The following KHDC4 variants were observed in gnomAD, a reference collection of about 807,000 sequenced individuals.
KHDC4 encodes KH domain containing 4, pre-mRNA splicing factor.
KHDC4 carries 19 observed loss-of-function variants against 74.5 expected under a neutral mutation model. The observed-to-expected ratio is 0.26, with a 90% CI of 0.18 to 0.37. The LOEUF (loss-of-function observed/expected upper bound fraction) is 0.37, where lower values mean the gene tolerates loss of function less well. Among genes scored for constraint, KHDC4 ranks in the 10% least tolerant of loss-of-function variants. KHDC4 has a pLI of 1.00. For synonymous variants in KHDC4, 253 were observed against 266.1 expected, an observed-to-expected ratio of 0.95 and a Z score of 0.48; for missense variants, 632 against 754.1, an observed-to-expected ratio of 0.84 and a Z score of 1.90.
intron 10 of KHDC4, chr1:155,919,999 T>C: frequency 7.7e-6 from 4 of 518,182 alleles, no homozygotes; most frequent in South Asian, 4.2e-5. Flanking sequence ...ATGGGTACAC[T>C]ATGAGAGGCC....
At chr1:155,923,079 C>T (rs1673902648) in intron 8 of KHDC4, among the ~76,000 whole-genome samples, 1 of 151,390 alleles carries the variant, frequency 6.6e-6, no homozygotes, top group Non-Finnish European at 1.5e-5. Context: ...GTGGCGGGCG[C>T]CTGTAGTCCC....
chr1:155,924,555 T>C (rs1209921417), intron 7 of KHDC4, among the ~76,000 whole-genome samples: 1 of 147,310 alleles, frequency 6.8e-6, no homozygotes, highest in Non-Finnish European at 1.5e-5. Context: ...TAATTCCGTC[T>C]CCTAATTCAA....
intron 8 of KHDC4, 94 bp from the exon 9 acceptor site, chr1:155,922,012 G>T: frequency 1.4e-6 from 1 of 723,442 alleles, no homozygotes; most frequent in Non-Finnish European, 2.3e-6. Flanking sequence ...AAGCCATTAG[G>T]AATTAAAATA....
At position 155,917,583 on chromosome 1, in the gene KHDC4, T is replaced by C; in HGVS notation, c.1356A>G (p.Pro452=). The change falls in exon 11 of 14, where the codon CCA becomes CCG. Residue 452 remains proline (P), a synonymous_variant. Transcript: ENST00000368321. ...TCTGTGCCTGGGGCTGACTTGGGAG[T>C]GGGGGCTGGGGCTGGGGCTGGGGCT... ...GPQPQPQPQP[P]LPSQPQAQKR... is the part of the protein sequence containing the mutation. 1 of 402,406 alleles carries C rather than the reference T, an allele frequency of 2.5e-6. No individual in the cohort carries two copies. Among genetic ancestry groups the C allele is most frequent in the Non-Finnish European group, 3.7e-6 (1 of 266,728 alleles). The allele number at this position is 402,406 out of a possible 1,614,324, so 24.9% of individuals were successfully genotyped here.
At chr1:155,921,837 T>C in intron 9 of KHDC4, 24 bp downstream of exon 9, 1 of 1,567,118 alleles carries the variant, frequency 6.4e-7, no homozygotes, top group Non-Finnish European at 8.8e-7. Flanking sequence ...AAAATATTTT[T>C]TAAACACTTC....
chr1:155,927,534 G>A (rs1674029719), intron 4 of KHDC4, among the ~76,000 whole-genome samples: 1 of 152,098 alleles, frequency 6.6e-6, no homozygotes, highest in Non-Finnish European at 1.5e-5. Flanking sequence ...GCTGGGTGCT[G>A]TGGCTCATGT....
chr1:155,929,523 T>C, intron 3 of KHDC4, 148 bp from the exon 4 acceptor site: 1 of 1,008,764 alleles, frequency 9.9e-7, no homozygotes, highest in Non-Finnish European at 1.5e-6. Context: ...GGTTTCTTAC[T>C]CAAACCAACC....
intron 7 of KHDC4, among the ~76,000 whole-genome samples, chr1:155,924,817 G>A (rs1364679564): frequency 6.7e-5 from 10 of 150,264 alleles, no homozygotes; most frequent in East Asian, 4.0e-4. Context: ...CAAGTGATCC[G>A]CCTGCCTCGG....
At position 155,915,949 on chromosome 1, in the gene KHDC4, T is replaced by C; in HGVS notation, c.1569A>G (p.Pro523=). The C allele has an allele frequency of 6.3e-7, 1 of 1,590,742 alleles. No homozygotes were observed. The highest frequency in any genetic ancestry group is 1.1e-5 in the South Asian group (1 of 86,958). ...TTATTCCAGTCACTGGAAAGGCTGG[T>C]GGAGGCATCAACTGCCTATTGAAAA... ...ERERDRQLMP[P]PAFPVTGIKT... The change falls in exon 13 of 14, where the codon CCA becomes CCG. Residue 523 remains proline, a synonymous_variant. Transcript: ENST00000368321.
At chr1:155,922,064 AC>A in intron 8 of KHDC4, 146 bp from the exon 9 acceptor site, 2 of 465,566 alleles carry the variant, frequency 4.3e-6, no homozygotes, top group Non-Finnish European at 7.1e-6. Flanking sequence ...TGTTTAACCC[AC>A]ATTTTTTTTT....
In KHDC4 at chr1:155,921,357, CAT is replaced by C; in HGVS notation, c.1266+16_1266+17del. Reference sequence around the variant, plus strand: ...TCCTAAATTCAGTAATATGTTGTTGCATATCCTGACATCCTACCTGTCCAGTG... The same window carrying C: ...TCCTAAATTCAGTAATATGTTGTTGCATCCTGACATCCTACCTGTCCAGTG... On this transcript the variant is annotated intron_variant, in intron 10 of 13. Coordinates refer to ENST00000368321, the MANE Select transcript of KHDC4 (RefSeq NM_014949.4). 3.1e-6 allele frequency: 5 copies of C among 1,612,112 alleles called. No individual in the cohort carries two copies. Among genetic ancestry groups the C allele is most frequent in the Non-Finnish European group, 4.2e-6 (5 of 1,178,328 alleles).
At chr1:155,921,772 G>A (rs908489303) in intron 9 of KHDC4, 89 bp downstream of exon 9, 80 of 1,395,882 alleles carry the variant, frequency 5.7e-5, no homozygotes, top group Non-Finnish European at 8.0e-5. Flanking sequence ...AACATTAATA[G>A]TGCCCTGGCA....
Position 155,929,843 on chromosome 1 carries a change from A to C in KHDC4, c.256-3T>G. The C allele has an allele frequency of 6.4e-7, 1 of 1,556,540 alleles. No homozygotes were observed. The highest frequency in any genetic ancestry group is 8.6e-7 in the Non-Finnish European group (1 of 1,156,586). On this transcript the variant is annotated splice_polypyrimidine_tract_variant and splice_region_variant and intron_variant, in intron 2 of 13. Transcript: ENST00000368321. ...AGGCCTTTGCCAGGAGCCTGAAGCT[A>C]GAAAAAAGAGAAATTAGATTAAAAA... is the stretch of plus-strand genomic sequence containing the variant.
intron 1 of KHDC4, 40 bp from the exon 2 acceptor site, chr1:155,933,889 T>C: frequency 2.1e-6 from 3 of 1,437,254 alleles, no homozygotes; most frequent in Non-Finnish European, 2.8e-6. Context: ...CCCAAAGCTT[T>C]CGTGTATGTT....
At chr1:155,932,158 C>T (rs138153474) in intron 2 of KHDC4, 123 of 152,302 alleles carry the variant, frequency 8.1e-4, no homozygotes, top group African/African-American at 2.9e-3. Flanking sequence ...TGTCACTCTG[C>T]TGCTCAGGCT....
intron 11 of KHDC4, 67 bp from the exon 12 acceptor site, chr1:155,916,804 T>C (rs1230023221): frequency 3.9e-6 from 4 of 1,031,494 alleles, no homozygotes; most frequent in African/African-American, 1.6e-5. Context: ...AGCTCCTTAA[T>C]GTAACTGTCA....
chr1:155,930,248 T>A (rs1307359585), intron 2 of KHDC4, among the ~76,000 whole-genome samples: 1 of 152,206 alleles, frequency 6.6e-6, no homozygotes, highest in Non-Finnish European at 1.5e-5. Context: ...TGTACAACTA[T>A]CCTTTCCCAA....
At chr1:155,925,304 T>C (rs1458307856) in intron 7 of KHDC4, among the ~76,000 whole-genome samples, 2 of 152,104 alleles carry the variant, frequency 1.3e-5, no homozygotes, top group Admixed American at 6.6e-5. Context: ...GTGCTGGGAT[T>C]ACAGGTGTGA....
In KHDC4 at chr1:155,921,474, T is replaced by C. The variant is rs1438578810; in HGVS notation, c.1167A>G (p.Ser389=). The change falls in exon 10 of 14, where the codon TCA becomes TCG. Residue 389 remains serine, a synonymous_variant. Coordinates refer to ENST00000368321, the MANE Select transcript of KHDC4 (RefSeq NM_014949.4). ...GVPSIVPPAV[S]LAPGVLPALP... is the part of the protein sequence containing the mutation. The stretch of plus-strand genomic sequence containing the variant: ...ATGCCGGCAAGACTCCAGGTGCTAA[T>C]GAAACAGCTGGTGGCACTATGCTTG... 9.3e-6 allele frequency: 15 copies of C among 1,613,998 alleles called. No homozygotes were observed. The highest frequency in any genetic ancestry group is 2.7e-5 in the African/African-American group (2 of 74,902).
Sources: allele counts gnomAD v4.1 joint callset (sites outside exome capture counted in the v4.1 genomes callset), GRCh38; gene constraint gnomAD v4.1.1; transcripts MANE v1.5; gene names NCBI Gene and HGNC (gene_info 2026-07-23, HGNC 2026-07-21).